Variants in MACROD2 observed in about 807,000 individuals in gnomAD.
The protein encoded by MACROD2 is ADP-ribose glycohydrolase MACROD2.
Under a neutral mutation model 70.4 loss-of-function variants are expected in MACROD2, and 36 were observed. The ratio of observed to expected loss-of-function variants is 0.51; its 90% CI spans 0.39 to 0.68. The LOEUF (loss-of-function observed/expected upper bound fraction) is 0.68. Ranked by LOEUF, MACROD2 falls within the 30% of genes least tolerant of loss-of-function variation. The pLI is 0.00. For missense variants in MACROD2, 496 were observed against 538.4 expected (o/e 0.92, Z 0.78); for synonymous variants, 172 against 178.8 (o/e 0.96, Z 0.30).
chr20:15,581,023 A>G (rs1036919859), intron 8 of MACROD2, among the ~76,000 whole-genome samples: 5 of 152,168 alleles, frequency 3.3e-5, no homozygotes, highest in Admixed American at 2.0e-4. Flanking sequence ...ATACAAACTC[A>G]GGGAAGGGAC....
chr20:14,862,213 A>ATATATATAAATATATATAAATATATATT (rs2073345994), intron 5 of MACROD2, among the ~76,000 whole-genome samples: 1 of 3,646 alleles, frequency 2.7e-4, no homozygotes, highest in Non-Finnish European at 6.2e-4. Flanking sequence ...ATAAATATAT[A>ATATATATAAATATATATAAATATATATT]TATATATAAA....
chr20:15,401,173 G>A (rs189328461), intron 6 of MACROD2, among the ~76,000 whole-genome samples: 195 of 152,124 alleles, frequency 1.3e-3, no homozygotes, highest in African/African-American at 4.3e-3. Flanking sequence ...GAGTAGCTGG[G>A]ACTACAGGCG....
intron 2 of MACROD2, among the ~76,000 whole-genome samples, chr20:14,079,979 T>C (rs147092265): frequency 7.2e-5 from 11 of 152,224 alleles, no homozygotes; most frequent in South Asian, 2.1e-4. Flanking sequence ...ACTGCTGTTA[T>C]AGGGTTCCCA....
rs753035871 is a variant in MACROD2, at chr20:14,648,621, C to CATATATATATAT, written c.302-36217_302-36206dup. On this transcript the variant is annotated intron_variant, in intron 4 of 17. Coordinates refer to ENST00000684519, the MANE Select transcript of MACROD2 (RefSeq NM_001351661.2). ...TTTGCCTCTTCTTTGTTTATTTAAA[C>CATATATATATAT]ATATATATATATATATCTATCTATC... Among the ~76,000 whole-genome samples the CATATATATATAT allele has an allele frequency of 6.4e-3, 949 of 148,630 alleles. 15 individuals are homozygous for CATATATATATAT. The highest frequency in any genetic ancestry group is 0.022 in the African/African-American group (870 of 39,996).
At chr20:15,307,783 A>G (rs1437442098) in intron 6 of MACROD2, among the ~76,000 whole-genome samples, 1 of 152,212 alleles carries the variant, frequency 6.6e-6, no homozygotes, top group Non-Finnish European at 1.5e-5. Flanking sequence ...ATACAAGATA[A>G]CATATTACAT....
At chr20:14,212,962 C>T (rs1054552361) in intron 3 of MACROD2, among the ~76,000 whole-genome samples, 3 of 151,554 alleles carry the variant, frequency 2.0e-5, no homozygotes, top group Non-Finnish European at 4.4e-5. Context: ...ATAACCGTGG[C>T]TGAGTAAAGG....
intron 3 of MACROD2, among the ~76,000 whole-genome samples, chr20:14,253,792 G>A (rs1568522584): frequency 6.6e-6 from 1 of 152,068 alleles, no homozygotes; most frequent in Non-Finnish European, 1.5e-5. Flanking sequence ...CGTAATGCAA[G>A]GCAGACAGCA....
At chr20:15,292,776 T>C (rs1233505817) in intron 6 of MACROD2, among the ~76,000 whole-genome samples, 2 of 152,242 alleles carry the variant, frequency 1.3e-5, no homozygotes, top group African/African-American at 4.8e-5. Flanking sequence ...TAAAACGTTA[T>C]ACTAATTTAT....
intron 4 of MACROD2, among the ~76,000 whole-genome samples, chr20:14,546,715 C>T (rs1363382640): frequency 1.3e-5 from 2 of 152,124 alleles, no homozygotes; most frequent in Non-Finnish European, 2.9e-5. Flanking sequence ...AGTTAGCCTA[C>T]ACTTCCATCT....
rs531269834 is a variant in MACROD2 at position 14,111,840 on chromosome 20, A to C, written c.271+26112A>C. ...AAAAATAGAGCTACCATCATCCAGC[A>C]ATCCCACTGTTGGGTATATAACTGA... On this transcript the variant is annotated intron_variant, in intron 3 of 17. Coordinates refer to ENST00000684519, the MANE Select transcript of MACROD2 (RefSeq NM_001351661.2). Among the ~76,000 whole-genome samples the C allele has an allele frequency of 4.6e-5, 7 of 152,152 alleles. No individual in the cohort carries two copies. The East Asian group carries it at 1.4e-3, about 29-fold the overall frequency.
At chr20:15,139,614 C>T (rs2076176678) in intron 5 of MACROD2, among the ~76,000 whole-genome samples, 1 of 151,984 alleles carries the variant, frequency 6.6e-6, no homozygotes, top group African/African-American at 2.4e-5. Context: ...GGGTTCCAAA[C>T]AGAATGTATT....
chr20:15,873,449 T>C (rs1166971810), intron 9 of MACROD2, among the ~76,000 whole-genome samples: 1 of 152,218 alleles, frequency 6.6e-6, no homozygotes. Flanking sequence ...TGGTTTAACA[T>C]TTTTCCAGTT....
chr20:16,015,967 G>A (rs1241533372), intron 15 of MACROD2, among the ~76,000 whole-genome samples: 1 of 152,052 alleles, frequency 6.6e-6, no homozygotes, highest in Non-Finnish European at 1.5e-5. Context: ...GTGAGGGTGT[G>A]AGGGAACTTA....
At chr20:14,956,026 T>TC in intron 5 of MACROD2, among the ~76,000 whole-genome samples, 1 of 148,732 alleles carries the variant, frequency 6.7e-6, no homozygotes, top group South Asian at 2.3e-4. Flanking sequence ...TTTAGCTGTT[T>TC]TTTTTTTTTG....
chr20:15,290,853 T>A (rs1433171792), intron 6 of MACROD2, among the ~76,000 whole-genome samples: 2 of 152,206 alleles, frequency 1.3e-5, no homozygotes, highest in African/African-American at 4.8e-5. Context: ...ATCCACTCAT[T>A]CATTTCAATT....
rs923139284 is a variant in MACROD2 at position 15,140,120 on chromosome 20, G to T, written c.419-89820G>T. 5.3e-5 allele frequency among the ~76,000 whole-genome samples: 8 copies of T among 152,154 alleles called. No homozygotes were observed. In the South Asian group the frequency reaches 1.7e-3, roughly 32 times the overall value. ...GCAAGAAATGTAGCTGTAATTTTCT[G>T]TAGATTTTACCCATGTCGTCCTCTA... is the stretch of plus-strand genomic sequence containing the variant. On this transcript the variant is annotated intron_variant, in intron 5 of 17. Transcript: ENST00000684519.
intron 17 of MACROD2, among the ~76,000 whole-genome samples, chr20:16,046,575 G>A (rs1421203661): frequency 1.3e-5 from 2 of 151,302 alleles, no homozygotes; most frequent in African/African-American, 4.9e-5. Context: ...CAGATGAAGT[G>A]CCAGGATTAG....
chr20:15,280,813 C>A (rs1018329241), intron 6 of MACROD2: 5 of 152,230 alleles, frequency 3.3e-5, no homozygotes, highest in African/African-American at 7.2e-5. Flanking sequence ...TCAGGGCAGA[C>A]CTTGCTTAGC....
At chr20:14,673,310 A>G (rs1051930891) in intron 4 of MACROD2, among the ~76,000 whole-genome samples, 2 of 152,214 alleles carry the variant, frequency 1.3e-5, no homozygotes, top group East Asian at 1.9e-4. Flanking sequence ...ACAGGGCCCA[A>G]TTGCTCATCA....
Sources: gnomAD v4.1 joint callset for allele counts (sites outside exome capture counted in the v4.1 genomes callset) on GRCh38, gnomAD v4.1.1 for gene constraint, MANE v1.5 for transcripts, NCBI Gene and HGNC (gene_info 2026-07-23, HGNC 2026-07-21) for gene names.